The following RASGRP2 variants were observed in gnomAD, a reference collection of about 807,000 sequenced individuals.
RASGRP2 encodes the protein RAS guanyl releasing protein 2, also known as RAS guanyl-releasing protein 2.
Under a neutral mutation model 71.0 loss-of-function variants are expected in RASGRP2, and 44 were observed. The observed-to-expected ratio is 0.62, with a 90% CI of 0.49 to 0.80. RASGRP2 has a LOEUF of 0.80. Among genes scored for constraint, RASGRP2 ranks in the 30% least tolerant of loss-of-function variants. The pLI is 0.00. For synonymous variants in RASGRP2, 350 were observed against 330.7 expected (o/e 1.06, Z -0.63); for missense variants, 663 against 813.4 (o/e 0.82, Z 2.25).
rs1382685005 is a variant in RASGRP2, at chr11:64,733,387, C to G, written c.1412+1725G>C. Among the ~76,000 whole-genome samples the G allele has an allele frequency of 2.9e-5, 4 of 138,192 alleles. No homozygotes were observed. In the Admixed American group the frequency reaches 3.2e-4, roughly 11 times the overall value. The allele number at this position is 138,192 out of a possible 152,430, so 90.7% of individuals were successfully genotyped here. A position where few individuals can be genotyped will look rare whatever the true frequency, so the allele number is the denominator to read the frequency against. ...GTTTTGATACCCAACCAGGGCTTCC[C>G]CCTCACCAACACACACACACACACA... On this transcript the variant is annotated intron_variant, in intron 12 of 16. Transcript: ENST00000394432.
At position 64,742,414 on chromosome 11, in the gene RASGRP2, C is replaced by A; in HGVS notation, c.74-302G>T. 1 of 568,416 alleles carries A rather than the reference C, an allele frequency of 1.8e-6. No individual in the cohort carries two copies. The highest frequency in any genetic ancestry group is 3.2e-6 in the Non-Finnish European group (1 of 316,546). The allele number at this position is 568,416 out of a possible 1,614,324, so 35.2% of individuals were successfully genotyped here. The stretch of plus-strand genomic sequence containing the variant: ...GGGGTCAAGAATCCAGAGGTCATTT[C>A]CTGAGCGCTTGGGGGGAAGGGGCAC... On this transcript the variant is annotated intron_variant, in intron 2 of 16. Coordinates refer to ENST00000394432, the MANE Select transcript of RASGRP2 (RefSeq NM_001098671.2). The surrounding 1 kb of genome is among the most constrained non-coding windows in gnomAD (Gnocchi z 4.7).
At chr11:64,740,787 C>T in intron 5 of RASGRP2, 161 bp downstream of exon 5, 2 of 911,900 alleles carry the variant, frequency 2.2e-6, no homozygotes, top group Non-Finnish European at 3.6e-6. Context: ...GAACGCCAAG[C>T]TGCCCAGAGG....
chr11:64,744,227 C>T, upstream of RASGRP2: 3 of 985,874 alleles, frequency 3.0e-6, no homozygotes, highest in Non-Finnish European at 3.6e-6. Context: ...CTCCCATTTG[C>T]GGTGCAGGGC....
At position 64,728,988 on chromosome 11, in the gene RASGRP2, C is replaced by G. The variant is rs765010423; in HGVS notation, c.1646G>C (p.Arg549Pro). Residue 549 changes from arginine (R) to proline (P), a missense_variant, in exon 15 of 17, where the codon CGG (arginine) becomes CCG (proline). Coordinates refer to ENST00000394432, the MANE Select transcript of RASGRP2 (RefSeq NM_001098671.2). Reference protein sequence around the residue: ...QCKDRLSVECRRRAQSVSLEG... With the variant: ...QCKDRLSVECPRRAQSVSLEG... ...CAGGCTCACACTCTGGGCCCTGCGCCGACACTCAACTGACAGGCGATCCTT... is the reference window on the plus strand; with the variant it reads ...CAGGCTCACACTCTGGGCCCTGCGCGGACACTCAACTGACAGGCGATCCTT... 3 of 1,609,204 alleles carry G rather than the reference C, an allele frequency of 1.9e-6. No homozygotes were observed. The highest frequency in any genetic ancestry group is 2.5e-6 in the Non-Finnish European group (3 of 1,179,284).
rs1391587407 is a variant in RASGRP2 at position 64,739,579 on chromosome 11, G to A, written c.696+57C>T. 8 of 1,612,416 alleles carry A rather than the reference G, an allele frequency of 5.0e-6. No homozygotes were observed. The African/African-American group carries it at 5.3e-5, about 11-fold the overall frequency. On this transcript the variant is annotated intron_variant, in intron 7 of 16. Transcript: ENST00000394432. The surrounding 1 kb of genome is among the most constrained non-coding windows in gnomAD (Gnocchi z 4.2). ...GGCAGTGGGTTAGGGGAAGGGAAGGGTTGGCCTGACTGGCATGTGGGGTGG... is the reference window on the plus strand; with the variant it reads ...GGCAGTGGGTTAGGGGAAGGGAAGGATTGGCCTGACTGGCATGTGGGGTGG...
chr11:64,734,075 G>A (rs944136602), intron 12 of RASGRP2, among the ~76,000 whole-genome samples: 1 of 151,856 alleles, frequency 6.6e-6, no homozygotes, highest in Non-Finnish European at 1.5e-5. Flanking sequence ...ACTTTGGGGG[G>A]CCAAGGCAGG....
Position 64,730,040 on chromosome 11 carries a change from A to G in RASGRP2, c.1554+13T>C, listed in dbSNP as rs983774538. The G allele has an allele frequency of 5.8e-6, 9 of 1,549,816 alleles. No individual in the cohort carries two copies. The East Asian group carries it at 1.9e-4, about 34-fold the overall frequency. On this transcript the variant is annotated intron_variant, in intron 13 of 16. Coordinates refer to ENST00000394432, the MANE Select transcript of RASGRP2 (RefSeq NM_001098671.2). ...GCGTGGCTTGGGCCGTGAGCCGGGA[A>G]AGGGACTCTCACCAGGGCTTTGCAG...
In RASGRP2 at chr11:64,742,958, C is replaced by A; in HGVS notation, c.-71-21G>T. On this transcript the variant is annotated intron_variant, in intron 1 of 16. Coordinates refer to ENST00000394432, the MANE Select transcript of RASGRP2 (RefSeq NM_001098671.2). The surrounding 1 kb of genome is among the most constrained non-coding windows in gnomAD (Gnocchi z 4.7). ...AACCCCTGTCCCGGGAGAGGCAGAG[C>A]GGGAGTCTGCGGAGTCGCGGGCGGG... 1.3e-6 allele frequency: 2 copies of A among 1,519,350 alleles called. No individual in the cohort carries two copies. The highest frequency in any genetic ancestry group is 1.4e-5 in the African/African-American group (1 of 72,348). 94.1% of individuals were successfully genotyped at this position (1,519,350 alleles called of 1,614,324 possible). A position where few individuals can be genotyped will look rare whatever the true frequency, so the allele number is the denominator to read the frequency against.
rs1060499609 is a variant in RASGRP2 at position 64,739,790 on chromosome 11, A to G, written c.542T>C (p.Phe181Ser). 2.5e-6 allele frequency: 4 copies of G among 1,613,856 alleles called. No homozygotes were observed. The highest frequency in any genetic ancestry group is 3.4e-6 in the Non-Finnish European group (4 of 1,179,914). Residue 181 changes from phenylalanine (F) to serine (S), a missense_variant, in exon 7 of 17, where the codon TTC becomes TCC. Coordinates refer to ENST00000394432, the MANE Select transcript of RASGRP2 (RefSeq NM_001098671.2). This position sits in a 1 kb window ranked among gnomAD's most constrained non-coding sequence, Gnocchi z 4.2. The part of the protein sequence containing the change: ...CKILFQDYHS[F>S]VTHGCTVDNP... Reference sequence around the variant, plus strand: ...GTCCACAGTGCAGCCATGAGTCACGAAACTGTGATAGTCCTGAAACTGGGG... The same window carrying G: ...GTCCACAGTGCAGCCATGAGTCACGGAACTGTGATAGTCCTGAAACTGGGG...
chr11:64,729,385 G>A (rs2057684912), intron 14 of RASGRP2, among the ~76,000 whole-genome samples: 1 of 150,692 alleles, frequency 6.6e-6, no homozygotes. Context: ...TGCCCAGGCT[G>A]GAGTGCAGTG....
intron 15 of RASGRP2, among the ~76,000 whole-genome samples, chr11:64,728,321 C>G (rs2057640734): frequency 6.6e-6 from 1 of 152,358 alleles, no homozygotes; most frequent in African/African-American, 2.4e-5. Context: ...CTTGAAGCCT[C>G]TTTCACTTTT....
At chr11:64,740,259 T>A in intron 5 of RASGRP2, 96 bp from the exon 6 acceptor site, 1 of 1,503,286 alleles carries the variant, frequency 6.7e-7, no homozygotes, top group Non-Finnish European at 9.2e-7. Context: ...ACTGAGAACC[T>A]ACATAATGCG....
At chr11:64,728,655 G>C (rs543639770) in intron 15 of RASGRP2, among the ~76,000 whole-genome samples, 1 of 151,756 alleles carries the variant, frequency 6.6e-6, no homozygotes. Flanking sequence ...GGATGGTCTC[G>C]ATCTCCTGAC....
chr11:64,728,795 T>C (rs1433750305), intron 15 of RASGRP2, 68 bp downstream of exon 15: 33 of 1,432,252 alleles, frequency 2.3e-5, no homozygotes, highest in Non-Finnish European at 2.9e-5. Context: ...GCTTCCATCC[T>C]GCGTTCTTTG....
chr11:64,740,761 G>C (rs2058095065), intron 5 of RASGRP2, 187 bp downstream of exon 5: 1 of 761,152 alleles, frequency 1.3e-6, no homozygotes, highest in South Asian at 1.5e-5. Flanking sequence ...GGTGGTGGCA[G>C]TGGAAGATGA....
Position 64,740,893 on chromosome 11 carries a change from C to T in RASGRP2, c.371+55G>A, listed in dbSNP as rs751982516. 4 of 1,605,942 alleles carry T rather than the reference C, an allele frequency of 2.5e-6. No individual in the cohort carries two copies. In the Admixed American group the frequency reaches 5.0e-5, roughly 20 times the overall value. On this transcript the variant is annotated intron_variant, in intron 5 of 16. Coordinates refer to ENST00000394432, the MANE Select transcript of RASGRP2 (RefSeq NM_001098671.2). ...CAGTTCAACAGACATTTATTAAGCA[C>T]AGATGGTATAGGATACTGAGTGCCC...
Position 64,742,731 on chromosome 11 carries a change from C to A in RASGRP2, c.73+63G>T. ...TGTGCCCTGGACTGTGCCTGGGAGGCAGGGACCCGGGCTCAGACTCGGGGC... is the reference window on the plus strand; with the variant it reads ...TGTGCCCTGGACTGTGCCTGGGAGGAAGGGACCCGGGCTCAGACTCGGGGC... On this transcript the variant is annotated intron_variant, in intron 2 of 16. Coordinates refer to ENST00000394432, the MANE Select transcript of RASGRP2 (RefSeq NM_001098671.2). This position sits in a 1 kb window ranked among gnomAD's most constrained non-coding sequence, Gnocchi z 4.7. The A allele has an allele frequency of 6.4e-7, 1 of 1,557,210 alleles. No individual in the cohort carries two copies. The highest frequency in any genetic ancestry group is 1.9e-5 in the Admixed American group (1 of 51,948).
At position 64,743,901 on chromosome 11, in the gene RASGRP2, G is replaced by C; in HGVS notation, c.-72+102C>G. ...GAGGTGCAGGCGTCCGCACTTACAC[G>C]CACCGGGCCACAGGCACCGGCCTCC... is the stretch of plus-strand genomic sequence containing the variant. On this transcript the variant is annotated intron_variant, in intron 1 of 16. Transcript: ENST00000394432. This position sits in a 1 kb window ranked among gnomAD's most constrained non-coding sequence, Gnocchi z 4.9. 1.2e-6 allele frequency: 1 copy of C among 843,830 alleles called. No homozygotes were observed. The highest frequency in any genetic ancestry group is 3.8e-5 in the South Asian group (1 of 26,502). The allele number at this position is 843,830 out of a possible 1,614,324, so 52.3% of individuals were successfully genotyped here. A position where few individuals can be genotyped will look rare whatever the true frequency, so the allele number is the denominator to read the frequency against.
rs775291279 is a variant in RASGRP2 at position 64,741,800 on chromosome 11, C to T, written c.176+210G>A. ...AGGGAGAAGGAGGGCAAGGCCTCGG[C>T]TGGGGACAGAGCCTGGGGACAGGAC... On this transcript the variant is annotated intron_variant, in intron 3 of 16. Coordinates refer to ENST00000394432, the MANE Select transcript of RASGRP2 (RefSeq NM_001098671.2). Among the ~76,000 whole-genome samples the T allele has an allele frequency of 5.3e-5, 8 of 152,256 alleles. No individual in the cohort carries two copies. In the South Asian group the frequency reaches 1.5e-3, roughly 28 times the overall value.
Sources: gnomAD v4.1 joint callset for allele counts (sites outside exome capture counted in the v4.1 genomes callset) on GRCh38, gnomAD v4.1.1 for gene constraint, Gnocchi (gnomAD v3.1) non-coding constraint, MANE v1.5 for transcripts, NCBI Gene and HGNC (gene_info 2026-07-23, HGNC 2026-07-21) for gene names.